The following SLC20A2 variants were observed in gnomAD, a reference collection of about 807,000 sequenced individuals.
SLC20A2 encodes the protein sodium-dependent phosphate transporter 2.
A neutral mutation model predicts 61.0 loss-of-function variants in SLC20A2; 30 were observed. That is an observed-to-expected ratio of 0.49 (90% confidence interval 0.37 to 0.67). SLC20A2 has a LOEUF of 0.67. Among genes scored for constraint, SLC20A2 ranks in the 30% least tolerant of loss-of-function variants. SLC20A2 has a pLI of 0.00. For synonymous variants in SLC20A2, 351 were observed against 353.3 expected (o/e 0.99, Z 0.07); for missense variants, 626 against 866.4 (o/e 0.72, Z 3.48).
chr8:42,468,750 T>A (rs1340332081), intron 2 of SLC20A2, among the ~76,000 whole-genome samples: 1 of 85,694 alleles, frequency 1.2e-5, no homozygotes, highest in Admixed American at 1.3e-4. Context: ...CGGGCGGGGG[T>A]GGGGTGGCAG....
At chr8:42,433,054 T>C (rs1045457863) in intron 8 of SLC20A2, among the ~76,000 whole-genome samples, 2 of 152,222 alleles carry the variant, frequency 1.3e-5, no homozygotes, top group African/African-American at 2.4e-5. Flanking sequence ...AATCTATTCA[T>C]GGTCCAAATG....
At chr8:42,473,161 G>C (rs2131232320) in intron 1 of SLC20A2, among the ~76,000 whole-genome samples, 1 of 152,312 alleles carries the variant, frequency 6.6e-6, no homozygotes, top group African/African-American at 2.4e-5. Flanking sequence ...GCATGTGTCT[G>C]GGAGAGTTTA....
At chr8:42,457,867 G>C (rs915026377) in intron 5 of SLC20A2, among the ~76,000 whole-genome samples, 1 of 152,032 alleles carries the variant, frequency 6.6e-6, no homozygotes, top group African/African-American at 2.4e-5. Context: ...GAATCATTTA[G>C]GAATACTTTA....
At chr8:42,418,546 C>T (rs1217652586) in intron 10 of SLC20A2, among the ~76,000 whole-genome samples, 1 of 152,114 alleles carries the variant, frequency 6.6e-6, no homozygotes, top group African/African-American at 2.4e-5. Flanking sequence ...ACCACCACAT[C>T]CAGCTAATTT....
chr8:42,454,477 A>T (rs1356391352), intron 5 of SLC20A2, among the ~76,000 whole-genome samples: 1 of 152,166 alleles, frequency 6.6e-6, no homozygotes, highest in Non-Finnish European at 1.5e-5. Context: ...CTTTATAATC[A>T]GGAATAAGAC....
intron 1 of SLC20A2, among the ~76,000 whole-genome samples, chr8:42,530,362 T>A (rs774600644): frequency 6.6e-6 from 1 of 152,214 alleles, no homozygotes; most frequent in Non-Finnish European, 1.5e-5. Flanking sequence ...ATTCAGGAAA[T>A]ATACTCAGGT....
Position 42,437,318 on chromosome 8 carries a change from C to A in SLC20A2, c.1194G>T (p.Val398=). 6.2e-7 allele frequency: 1 copy of A among 1,614,192 alleles called. No homozygotes were observed. Among genetic ancestry groups the A allele is most frequent in the South Asian group, 1.1e-5 (1 of 91,086 alleles). Residue 398 remains valine, a synonymous_variant, in exon 8 of 11, where the codon GTG becomes GTT. Transcript: ENST00000520262. The surrounding 1 kb of genome is among the most constrained non-coding windows in gnomAD (Gnocchi z 6.4). ...AGTCCGCAGCTCGAAAGGTGGCGTGCACTGGCAGCCCACAAATGGCTGCGG... is the reference window on the plus strand; with the variant it reads ...AGTCCGCAGCTCGAAAGGTGGCGTGAACTGGCAGCCCACAAATGGCTGCGG... ...CYTAAICGLP[V]HATFRAADSS... is the part of the protein sequence containing the mutation.
At chr8:42,421,634 G>A (rs530981623) in intron 10 of SLC20A2, among the ~76,000 whole-genome samples, 13 of 152,120 alleles carry the variant, frequency 8.5e-5, no homozygotes, top group African/African-American at 1.7e-4. Context: ...GAGAAACCCC[G>A]TCTCTACTAA....
At chr8:42,467,921 CTT>C (rs557237374) in intron 2 of SLC20A2, among the ~76,000 whole-genome samples, 16 of 144,176 alleles carry the variant, frequency 1.1e-4, no homozygotes, top group East Asian at 2.0e-4. Flanking sequence ...GGTTTATATT[CTT>C]TTTTTTTTTT....
At chr8:42,536,287 T>C (rs1243535081) in intron 1 of SLC20A2, 1 of 152,198 alleles carries the variant, frequency 6.6e-6, no homozygotes, top group Non-Finnish European at 1.5e-5. Context: ...ATTCTGAAGC[T>C]ACCCCCAAGA....
intron 1 of SLC20A2, among the ~76,000 whole-genome samples, chr8:42,491,505 CAAA>C (rs753819050): frequency 1.9e-5 from 2 of 106,114 alleles, no homozygotes; most frequent in Non-Finnish European, 2.0e-5. Flanking sequence ...ACTTCGTCTC[CAAA>C]AAAAAAAAAA....
intron 10 of SLC20A2, among the ~76,000 whole-genome samples, chr8:42,418,629 C>T (rs572234445): frequency 3.9e-4 from 59 of 152,142 alleles, no homozygotes; most frequent in Middle Eastern, 3.4e-3. Flanking sequence ...CTCAAGTGAT[C>T]GGCCCGCCTC....
At chr8:42,418,453 C>A (rs1802820025) in intron 10 of SLC20A2, among the ~76,000 whole-genome samples, 1 of 152,150 alleles carries the variant, frequency 6.6e-6, no homozygotes, top group South Asian at 2.1e-4. Flanking sequence ...GTGGTGCAAT[C>A]TCAGCTCACT....
In SLC20A2 at chr8:42,465,763, A is replaced by C. The variant is rs1268471681; in HGVS notation, c.430+14T>G. ...AAACTTTCCTTCTTATGGGTAAAAG[A>C]AAATGCCAATTACCAATCTTGACAA... On this transcript the variant is annotated intron_variant, in intron 3 of 10. Coordinates refer to ENST00000520262, the MANE Select transcript of SLC20A2 (RefSeq NM_001257180.2). 1.9e-6 allele frequency: 3 copies of C among 1,577,422 alleles called. No homozygotes were observed. Among genetic ancestry groups the C allele is most frequent in the Non-Finnish European group, 2.6e-6 (3 of 1,167,970 alleles).
intron 5 of SLC20A2, among the ~76,000 whole-genome samples, chr8:42,454,766 T>A (rs936888035): frequency 6.6e-6 from 1 of 152,040 alleles, no homozygotes; most frequent in Non-Finnish European, 1.5e-5. Flanking sequence ...AGATGGGGTC[T>A]TGCTATGTTG....
At chr8:42,517,129 T>G (rs975618365) in intron 1 of SLC20A2, among the ~76,000 whole-genome samples, 3 of 152,186 alleles carry the variant, frequency 2.0e-5, no homozygotes, top group African/African-American at 7.2e-5. Flanking sequence ...TAGTCATCTC[T>G]CCTAATTTTA....
At position 42,521,779 on chromosome 8, in the gene SLC20A2, T is replaced by C. The variant is rs1422656719; in HGVS notation, c.-265+20042A>G. The stretch of plus-strand genomic sequence containing the variant: ...GGCTGGGATTACAGGTGTGAACCAC[T>C]ATGCCCAGCCAATTCTGTATCTTGA... On this transcript the variant is annotated intron_variant, in intron 1 of 10. Transcript: ENST00000342228. 1.6e-5 allele frequency among the ~76,000 whole-genome samples: 2 copies of C among 121,278 alleles called. 1 individual carries two copies. Among genetic ancestry groups the C allele is most frequent in the Non-Finnish European group, 4.0e-5 (2 of 50,440 alleles). The allele number at this position is 121,278 out of a possible 152,430, so 79.6% of individuals were successfully genotyped here. A position where few individuals can be genotyped will look rare whatever the true frequency, so the allele number is the denominator to read the frequency against.
At chr8:42,541,757 C>T (rs1813201633) in intron 1 of SLC20A2, 1 of 148,954 alleles carries the variant, frequency 6.7e-6, no homozygotes, top group Non-Finnish European at 1.5e-5. Flanking sequence ...GGCCGCGTCA[C>T]CCGGCCCCGC....
intron 5 of SLC20A2, among the ~76,000 whole-genome samples, chr8:42,458,346 A>G (rs766184496): frequency 4.6e-5 from 7 of 152,196 alleles, no homozygotes; most frequent in Non-Finnish European, 1.0e-4. Flanking sequence ...GAATTAGGCC[A>G]GGTGCAGTAG....
Sources: gnomAD v4.1 joint callset for allele counts (sites outside exome capture counted in the v4.1 genomes callset) on GRCh38, gnomAD v4.1.1 for gene constraint, Gnocchi (gnomAD v3.1) non-coding constraint, MANE v1.5 for transcripts, NCBI Gene and HGNC (gene_info 2026-07-23, HGNC 2026-07-21) for gene names.